The following BTD variants were observed in gnomAD, a reference collection of about 807,000 sequenced individuals.
The protein encoded by BTD is biotinidase, also known as biocytinase.
BTD carries 13 observed loss-of-function variants against 17.7 expected under a neutral mutation model. The observed-to-expected ratio is 0.74, with a 90% CI of 0.48 to 1.17. The LOEUF (loss-of-function observed/expected upper bound fraction) is 1.17, where lower values mean the gene tolerates loss of function less well. Ranked by LOEUF, BTD falls within the 50% of genes most tolerant of loss-of-function variation. BTD has a pLI of 0.00. For synonymous variants in BTD, 240 were observed against 245.2 expected (o/e 0.98, Z 0.20); for missense variants, 674 against 650.4 (o/e 1.04, Z -0.39).
intron 1 of BTD, among the ~76,000 whole-genome samples, chr3:15,611,361 A>G (rs1416908294): frequency 6.6e-6 from 1 of 152,204 alleles, no homozygotes; most frequent in East Asian, 1.9e-4. Context: ...AGTTAGGCCC[A>G]GAAAGAGAGG....
chr3:15,634,432 G>A (rs1320101793), intron 1 of BTD, among the ~76,000 whole-genome samples: 1 of 152,208 alleles, frequency 6.6e-6, no homozygotes, highest in Non-Finnish European at 1.5e-5. Context: ...CGCTTTAGCT[G>A]GGAGGCCAGG....
intron 3 of BTD, 200 bp downstream of exon 3, chr3:15,642,257 T>C: frequency 6.9e-7 from 1 of 1,440,790 alleles, no homozygotes; most frequent in Non-Finnish European, 9.1e-7. Flanking sequence ...TATTCATCTA[T>C]GGATCTTTCC....
chr3:15,697,956 C>G (rs2069909423), intron 3 of BTD, among the ~76,000 whole-genome samples: 1 of 152,054 alleles, frequency 6.6e-6, no homozygotes, highest in Admixed American at 6.6e-5. Flanking sequence ...CTGGTTTAGT[C>G]TTGGGAGGGT....
rs148831505 is a variant in BTD at position 15,697,095 on chromosome 3, T to C, written c.400-12965T>C. Reference sequence around the variant, plus strand: ...AAGAAAATGTGGTATATATACACCATGGAATACTATTCAGACATAGAAAGG... The same window carrying C: ...AAGAAAATGTGGTATATATACACCACGGAATACTATTCAGACATAGAAAGG... On this transcript the variant is annotated intron_variant, in intron 3 of 3. Coordinates refer to the BTD transcript ENST00000672141. Among the ~76,000 whole-genome samples, 38 of 152,324 alleles carry C rather than the reference T, an allele frequency of 2.5e-4. No homozygotes were observed. The South Asian group carries it at 4.8e-3, about 19-fold the overall frequency.
chr3:15,670,252 T>A (rs746581635), intron 3 of BTD: 179 of 1,606,572 alleles, frequency 1.1e-4, no homozygotes, highest in Non-Finnish European at 1.5e-4. Flanking sequence ...CTGTGAGAAC[T>A]CCCTCCTCCT....
intron 1 of BTD, among the ~76,000 whole-genome samples, chr3:15,613,821 A>AT (rs1313142761): frequency 6.6e-6 from 1 of 151,944 alleles, no homozygotes; most frequent in African/African-American, 2.4e-5. Context: ...GTTCACAGTT[A>AT]TTTTTTCTTA....
chr3:15,616,617 CAA>C (rs74719021), intron 1 of BTD, among the ~76,000 whole-genome samples: 2 of 146,090 alleles, frequency 1.4e-5, no homozygotes, highest in Non-Finnish European at 3.0e-5. Flanking sequence ...ACTTCATCTT[CAA>C]AAAAAAAAAG....
intron 1 of BTD, among the ~76,000 whole-genome samples, chr3:15,633,573 C>T (rs1460124148): frequency 6.6e-5 from 10 of 152,198 alleles, no homozygotes; most frequent in Admixed American, 5.9e-4. Context: ...ACCCCGACAT[C>T]GGTGGTACCC....
In BTD at chr3:15,620,661, A is replaced by T. The variant is rs898957797; in HGVS notation, c.-16-14763A>T. The stretch of plus-strand genomic sequence containing the variant: ...CCTACGAAGATAACAGGATTAAGAG[A>T]TTAAAGACAGGCATAAGAAATTATA... On this transcript the variant is annotated intron_variant, in intron 1 of 3. Coordinates refer to ENST00000643237, the MANE Select transcript of BTD (RefSeq NM_001370658.1). 2.6e-5 allele frequency among the ~76,000 whole-genome samples: 4 copies of T among 152,356 alleles called. 1 individual carries two copies. The highest frequency in any genetic ancestry group is 4.1e-4 in the South Asian group (2 of 4,832).
chr3:15,616,399 T>C (rs2064794359), intron 1 of BTD, among the ~76,000 whole-genome samples: 1 of 152,130 alleles, frequency 6.6e-6, no homozygotes, highest in Non-Finnish European at 1.5e-5. Context: ...GTGGATCACC[T>C]GAGGTCAGGA....
Position 15,662,715 on chromosome 3 carries a change from G to A in BTD, c.399+20658G>A, listed in dbSNP as rs189480379. On this transcript the variant is annotated intron_variant, in intron 3 of 3. Transcript: ENST00000672141. ...AGTGGCATGATCATGGCTCACTGCA[G>A]CCATGACCACCTGTGCTCAAGCAAT... 2.1e-4 allele frequency among the ~76,000 whole-genome samples: 32 copies of A among 152,174 alleles called. 1 individual carries two copies. The East Asian group carries it at 5.8e-3, about 28-fold the overall frequency.
intron 3 of BTD, among the ~76,000 whole-genome samples, chr3:15,660,524 G>A (rs545907255): frequency 6.6e-5 from 10 of 152,230 alleles, no homozygotes; most frequent in Admixed American, 3.3e-4. Context: ...ACACTAAGAA[G>A]CCACCAAGGA....
chr3:15,688,303 T>C (rs2068383787), intron 3 of BTD, among the ~76,000 whole-genome samples: 1 of 152,220 alleles, frequency 6.6e-6, no homozygotes, highest in Non-Finnish European at 1.5e-5. Context: ...TTTTATTTTA[T>C]ATTTTAGGAA....
At chr3:15,694,886 C>A in intron 3 of BTD, 1 of 1,362,414 alleles carries the variant, frequency 7.3e-7, no homozygotes, top group South Asian at 1.2e-5. Context: ...CCACCCAGTT[C>A]AAATCCACCT....
intron 3 of BTD, among the ~76,000 whole-genome samples, chr3:15,643,050 T>TAAA (rs145247612): frequency 2.1e-5 from 3 of 140,552 alleles, no homozygotes; most frequent in Admixed American, 1.5e-4. Flanking sequence ...AAAAATAAAA[T>TAAA]AAAATAAAGA....
intron 1 of BTD, among the ~76,000 whole-genome samples, chr3:15,618,680 C>A (rs949985146): frequency 1.3e-5 from 2 of 152,072 alleles, no homozygotes; most frequent in Non-Finnish European, 2.9e-5. Context: ...CGCCTGCCAC[C>A]ACACCTGGCT....
chr3:15,714,587 T>C (rs1040674229), downstream of BTD: 61 of 1,580,616 alleles, frequency 3.9e-5, no homozygotes, highest in Non-Finnish European at 5.1e-5. Flanking sequence ...CCACTCTGGA[T>C]AATGGTTTGT....
intron 3 of BTD, among the ~76,000 whole-genome samples, chr3:15,674,286 G>A (rs1157503039): frequency 6.6e-6 from 1 of 151,274 alleles, no homozygotes; most frequent in Non-Finnish European, 1.5e-5. Context: ...AAAAAAGTGG[G>A]CATACTTTAG....
intron 1 of BTD, among the ~76,000 whole-genome samples, chr3:15,626,792 A>AAG (rs1293134028): frequency 5.5e-5 from 8 of 144,464 alleles, no homozygotes; most frequent in South Asian, 2.2e-4. Flanking sequence ...AAAAAAAAAA[A>AAG]AAAGAAAAGA....
Sources: gnomAD v4.1 joint callset for allele counts (sites outside exome capture counted in the v4.1 genomes callset) on GRCh38, gnomAD v4.1.1 for gene constraint, MANE v1.5 for transcripts, NCBI Gene and HGNC (gene_info 2026-07-23, HGNC 2026-07-21) for gene names.